EYS: variants seen among roughly 807,000 people sequenced by gnomAD.
EYS encodes protein eyes shut homolog.
EYS carries 250 observed loss-of-function variants against 282.1 expected under a neutral mutation model. The ratio of observed to expected loss-of-function variants is 0.89; its 90% confidence interval spans 0.80 to 0.98. The LOEUF (loss-of-function observed/expected upper bound fraction) is 0.98. Among genes scored for constraint, EYS ranks in the 50% least tolerant of loss-of-function variants. The probability of loss-of-function intolerance (pLI) is 0.00; values close to 1 mark genes in which losing one functional copy is unlikely to be tolerated. For missense variants in EYS, 4,016 were observed against 3,709.0 expected (o/e 1.08, Z -2.15); for synonymous variants, 1,355 against 1,282.9 (o/e 1.06, Z -1.20).
At chr6:65,089,183 G>GAA (rs1335245939) in intron 12 of EYS, among the ~76,000 whole-genome samples, 1 of 152,144 alleles carries the variant, frequency 6.6e-6, no homozygotes, top group Non-Finnish European at 1.5e-5. Context: ...CTGCCTAGTG[G>GAA]ACTTGTGACA....
chr6:65,023,411 T>C (rs1339271136), intron 13 of EYS, among the ~76,000 whole-genome samples: 1 of 152,212 alleles, frequency 6.6e-6, no homozygotes, highest in Non-Finnish European at 1.5e-5. Flanking sequence ...GATTTTTAAT[T>C]TCAAAAGCTA....
intron 2 of EYS, among the ~76,000 whole-genome samples, chr6:65,509,664 A>C (rs963568375): frequency 2.6e-5 from 4 of 152,196 alleles, no homozygotes; most frequent in African/African-American, 4.8e-5. Flanking sequence ...TGTGGATTAA[A>C]TTTTCATTTT....
chr6:64,532,984 ATGTGCAAAGACAAGG>A (rs1764401678), intron 26 of EYS, among the ~76,000 whole-genome samples: 1 of 152,154 alleles, frequency 6.6e-6, no homozygotes, highest in Non-Finnish European at 1.5e-5. Flanking sequence ...AGGGGACAAT[ATGTGCAAAGACAAGG>A]TATGTCAACA....
chr6:64,923,386 T>C (rs1349425972), intron 15 of EYS, among the ~76,000 whole-genome samples: 3 of 152,134 alleles, frequency 2.0e-5, no homozygotes, highest in Non-Finnish European at 4.4e-5. Flanking sequence ...GTCCCTTCCA[T>C]AACATGTGGG....
rs1156297073 is a variant in EYS at position 64,283,810 on chromosome 6, G to GA, written c.6191+23159dup. 3.3e-5 allele frequency among the ~76,000 whole-genome samples: 5 copies of GA among 152,196 alleles called. No homozygotes were observed. The South Asian group carries it at 6.2e-4, about 19-fold the overall frequency. The stretch of plus-strand genomic sequence containing the variant: ...CACTTCTTACATGGTGGTGGCAAGA[G>GA]AAAATAAGGAAGATGCACAAGCAGA... On this transcript the variant is annotated intron_variant, in intron 30 of 42. Transcript: ENST00000503581.
At chr6:65,192,548 C>T (rs1329553034) in intron 12 of EYS, among the ~76,000 whole-genome samples, 1 of 151,676 alleles carries the variant, frequency 6.6e-6, no homozygotes, top group East Asian at 1.9e-4. Flanking sequence ...GAATTTGATG[C>T]AAATGTGAAT....
chr6:65,539,923 G>A (rs907106535), intron 2 of EYS, among the ~76,000 whole-genome samples: 4 of 152,128 alleles, frequency 2.6e-5, no homozygotes, highest in African/African-American at 9.7e-5. Flanking sequence ...GAAAAGAAAG[G>A]GAGAAAGCTC....
intron 12 of EYS, among the ~76,000 whole-genome samples, chr6:65,119,970 C>T (rs1958922): frequency 0.018 from 2,653 of 151,024 alleles, 49 homozygotes; most frequent in African/African-American, 0.047. Context: ...ACCTACCCCC[C>T]CTCCCCGTCT....
intron 35 of EYS, among the ~76,000 whole-genome samples, chr6:63,934,108 TC>T (rs1297375573): frequency 6.6e-6 from 1 of 152,158 alleles, no homozygotes; most frequent in Non-Finnish European, 1.5e-5. Context: ...CAGACACTTC[TC>T]AAAAGAAGAC....
intron 12 of EYS, among the ~76,000 whole-genome samples, chr6:65,159,964 G>A (rs1335855873): frequency 6.6e-6 from 1 of 150,994 alleles, no homozygotes; most frequent in East Asian, 2.0e-4. Context: ...TAACTTCAAG[G>A]TGATTGATGG....
At chr6:65,594,935 T>G (rs1396344526) in intron 2 of EYS, among the ~76,000 whole-genome samples, 1 of 152,090 alleles carries the variant, frequency 6.6e-6, no homozygotes, top group Non-Finnish European at 1.5e-5. Context: ...TTTCCCCATT[T>G]CTTGTTTTGG....
intron 35 of EYS, among the ~76,000 whole-genome samples, chr6:63,879,713 A>G (rs1320835075): frequency 6.6e-6 from 1 of 152,220 alleles, no homozygotes; most frequent in Non-Finnish European, 1.5e-5. Flanking sequence ...AACTATGTCC[A>G]TGAAGGAAAG....
At chr6:64,527,056 A>G (rs141115198) in intron 26 of EYS, among the ~76,000 whole-genome samples, 4 of 151,926 alleles carry the variant, frequency 2.6e-5, no homozygotes, top group Non-Finnish European at 5.9e-5. Context: ...AAAAATTCTT[A>G]AAACATTTCT....
At chr6:65,279,475 CTT>C (rs1768157719) in intron 12 of EYS, among the ~76,000 whole-genome samples, 1 of 152,164 alleles carries the variant, frequency 6.6e-6, no homozygotes, top group Non-Finnish European at 1.5e-5. Flanking sequence ...CTTTCCCTAA[CTT>C]ATATTTTTCA....
intron 22 of EYS, among the ~76,000 whole-genome samples, chr6:64,761,720 G>GAGCCACCA (rs1435445222): frequency 6.6e-6 from 1 of 152,140 alleles, no homozygotes; most frequent in Non-Finnish European, 1.5e-5. Flanking sequence ...CTCCCAAAGT[G>GAGCCACCA]CTGGGATTAC....
At chr6:64,324,033 C>A (rs1209528905) in intron 29 of EYS, among the ~76,000 whole-genome samples, 1 of 152,080 alleles carries the variant, frequency 6.6e-6, no homozygotes, top group Non-Finnish European at 1.5e-5. Flanking sequence ...CAGCCTGAAC[C>A]CATCACCCTA....
At chr6:64,086,460 C>G (rs1772160185) in intron 31 of EYS, among the ~76,000 whole-genome samples, 1 of 152,126 alleles carries the variant, frequency 6.6e-6, no homozygotes, top group South Asian at 2.1e-4. Context: ...GTAAGCCAGG[C>G]CCTCCATGGT....
rs1253359752 is a variant in EYS at position 64,439,149 on chromosome 6, C to T, written c.5835+13G>A. On this transcript the variant is annotated intron_variant, in intron 27 of 42. Coordinates refer to ENST00000503581, the MANE Select transcript of EYS (RefSeq NM_001142800.2). ...TGTAATTTTTAAAAAATTAAATGAA[C>T]TGAATAACTTACCTTTAAAGTACCA... 2 of 1,337,190 alleles carry T rather than the reference C, an allele frequency of 1.5e-6. No individual in the cohort carries two copies. Among genetic ancestry groups the T allele is most frequent in the Non-Finnish European group, 2.0e-6 (2 of 1,006,710 alleles). The allele number at this position is 1,337,190 out of a possible 1,614,324, so 82.8% of individuals were successfully genotyped here.
At chr6:64,761,759 A>T (rs1773167527) in intron 22 of EYS, among the ~76,000 whole-genome samples, 1 of 152,158 alleles carries the variant, frequency 6.6e-6, no homozygotes, top group East Asian at 1.9e-4. Flanking sequence ...CTGGCTGATT[A>T]GTATTAAATT....
Sources: gnomAD v4.1 joint callset for allele counts (sites outside exome capture counted in the v4.1 genomes callset) on GRCh38, gnomAD v4.1.1 for gene constraint, MANE v1.5 for transcripts, NCBI Gene and HGNC (gene_info 2026-07-23, HGNC 2026-07-21) for gene names.